The following ADAM12 variants were observed in gnomAD, a reference collection of about 807,000 sequenced individuals.
ADAM12 encodes the protein disintegrin and metalloproteinase domain-containing protein 12.
Under a neutral mutation model 106.4 loss-of-function variants are expected in ADAM12, and 70 were observed. The observed-to-expected ratio is 0.66, with a 90% CI of 0.54 to 0.80. The LOEUF (loss-of-function observed/expected upper bound fraction) is 0.80, where lower values mean the gene tolerates loss of function less well. Among genes scored for constraint, ADAM12 ranks in the 30% least tolerant of loss-of-function variants. The pLI, the probability that ADAM12 is intolerant of heterozygous loss-of-function variation, is 0.00. For missense variants in ADAM12, 1,010 were observed against 1,171.9 expected, an observed-to-expected ratio of 0.86 and a Z score of 2.02; for synonymous variants, 420 against 433.5, an observed-to-expected ratio of 0.97 and a Z score of 0.39.
intron 11 of ADAM12, among the ~76,000 whole-genome samples, chr10:126,084,132 C>A (rs1019098239): frequency 2.6e-5 from 4 of 152,208 alleles, no homozygotes; most frequent in African/African-American, 9.7e-5. Flanking sequence ...TCTGCTCCTC[C>A]TCCCTGAAAC....
At chr10:126,249,471 G>A (rs1590680109) in intron 3 of ADAM12, among the ~76,000 whole-genome samples, 2 of 152,190 alleles carry the variant, frequency 1.3e-5, no homozygotes, top group Non-Finnish European at 2.9e-5. Flanking sequence ...AGGCCGAGGC[G>A]GGAGGATCAC....
chr10:126,193,547 A>G (rs1249326123), intron 3 of ADAM12, among the ~76,000 whole-genome samples: 3 of 152,234 alleles, frequency 2.0e-5, no homozygotes, highest in Non-Finnish European at 4.4e-5. Context: ...GAGAAGGGGT[A>G]GATTCTTTCT....
chr10:126,337,103 C>T (rs1281947905), intron 1 of ADAM12, among the ~76,000 whole-genome samples: 1 of 152,200 alleles, frequency 6.6e-6, no homozygotes, highest in East Asian at 1.9e-4. Flanking sequence ...AGAACTGGCT[C>T]ACACAATTAC....
intron 3 of ADAM12, among the ~76,000 whole-genome samples, chr10:126,195,174 G>C (rs1957574378): frequency 6.6e-6 from 1 of 152,194 alleles, no homozygotes; most frequent in Non-Finnish European, 1.5e-5. Flanking sequence ...AAGATCTACT[G>C]TGCAATATGG....
chr10:126,326,557 T>A (rs1854311300), intron 2 of ADAM12, among the ~76,000 whole-genome samples: 1 of 152,172 alleles, frequency 6.6e-6, no homozygotes, highest in Non-Finnish European at 1.5e-5. Context: ...GGTCAGAGTG[T>A]GGACGCCTCC....
At chr10:126,038,428 T>A in intron 19 of ADAM12, 79 bp from the exon 20 acceptor site, 2 of 1,156,120 alleles carry the variant, frequency 1.7e-6, no homozygotes, top group South Asian at 1.7e-5. Flanking sequence ...TTGCTCATAG[T>A]GGCACTCAAA....
rs1954227160 is a variant in ADAM12, at chr10:126,043,279, T to C, written c.1996-131A>G. 2.4e-6 allele frequency: 2 copies of C among 841,028 alleles called. No individual in the cohort carries two copies. The highest frequency in any genetic ancestry group is 3.5e-5 in the South Asian group (2 of 57,282). The allele number at this position is 841,028 out of a possible 1,614,324, so 52.1% of individuals were successfully genotyped here. On this transcript the variant is annotated intron_variant, in intron 17 of 22. Coordinates refer to ENST00000448723, the MANE Select transcript of ADAM12 (RefSeq NM_001288973.2). This position sits in a 1 kb window ranked among gnomAD's most constrained non-coding sequence, Gnocchi z 4.1. ...CAGCCAGACTCAGCACACGCCATGGTGCGAATAAGCCCAAAGCCGGCACTA... is the reference window on the plus strand; with the variant it reads ...CAGCCAGACTCAGCACACGCCATGGCGCGAATAAGCCCAAAGCCGGCACTA...
At chr10:126,101,835 T>C (rs1245156369) in intron 8 of ADAM12, among the ~76,000 whole-genome samples, 2 of 152,196 alleles carry the variant, frequency 1.3e-5, no homozygotes, top group Non-Finnish European at 2.9e-5. Context: ...AGAGCCCTTC[T>C]TCAGGAACAT....
rs183790378 is a variant in ADAM12 at position 126,376,079 on chromosome 10, C to T, written c.88+11979G>A. On this transcript the variant is annotated intron_variant, in intron 1 of 22. Coordinates refer to ENST00000448723, the MANE Select transcript of ADAM12 (RefSeq NM_001288973.2). Reference sequence around the variant, plus strand: ...TTTGTTTATCATTGTAATGGATATGCTACCCAATGAAACAAGAAAAATAAA... The same window carrying T: ...TTTGTTTATCATTGTAATGGATATGTTACCCAATGAAACAAGAAAAATAAA... Among the ~76,000 whole-genome samples, 355 of 150,862 alleles carry T rather than the reference C, an allele frequency of 2.4e-3. 8 individuals are homozygous for T. The South Asian group carries it at 0.024, about 10-fold the overall frequency.
In ADAM12 at chr10:126,051,541, CCATCCATCCAT is replaced by C. The variant is rs1565015266; in HGVS notation, c.1610-1883_1610-1873del. ...TCCATCCAGCCAGCCAGCCACCCAT[CCATCCATCCAT>C]CCATCCATCCATCCATCCATCCATC... On this transcript the variant is annotated intron_variant, in intron 14 of 22. Transcript: ENST00000448723. Among the ~76,000 whole-genome samples the C allele has an allele frequency of 2.2e-3, 172 of 77,544 alleles. 1 individual carries two copies. Among genetic ancestry groups the C allele is most frequent in the East Asian group, 6.3e-3 (13 of 2,072 alleles). 50.9% of individuals were successfully genotyped at this position (77,544 alleles called of 152,430 possible).
intron 3 of ADAM12, among the ~76,000 whole-genome samples, chr10:126,171,715 T>C (rs1247535013): frequency 6.6e-6 from 1 of 152,212 alleles, no homozygotes; most frequent in African/African-American, 2.4e-5. Context: ...GCTTCCAGTA[T>C]TTCTGGCTTC....
chr10:126,091,997 T>G (rs1955473862), intron 11 of ADAM12, among the ~76,000 whole-genome samples: 1 of 152,112 alleles, frequency 6.6e-6, no homozygotes, highest in Non-Finnish European at 1.5e-5. Flanking sequence ...ATCTTATTGA[T>G]GAGGAATGTA....
chr10:126,040,083 T>C (rs1423095641), intron 18 of ADAM12, among the ~76,000 whole-genome samples: 1 of 152,220 alleles, frequency 6.6e-6, no homozygotes, highest in Non-Finnish European at 1.5e-5. Flanking sequence ...TCTTCTTTTC[T>C]ATGACCTGCT....
In ADAM12 at chr10:126,188,036, C is replaced by T. The variant is rs529574804; in HGVS notation, c.261-32731G>A. Among the ~76,000 whole-genome samples the T allele has an allele frequency of 2.6e-5, 4 of 152,260 alleles. No individual in the cohort carries two copies. The East Asian group carries it at 5.8e-4, about 22-fold the overall frequency. ...AGGAAGTGCAGGTTCCCAGGAGAGGCCACTGGAAAGCCAGGCTGTGAAGGG... is the reference window on the plus strand; with the variant it reads ...AGGAAGTGCAGGTTCCCAGGAGAGGTCACTGGAAAGCCAGGCTGTGAAGGG... On this transcript the variant is annotated intron_variant, in intron 3 of 22. Transcript: ENST00000448723.
chr10:126,066,543 T>C lies in ADAM12; in HGVS notation c.1413+174A>G, dbSNP rs1284752325. Among the ~76,000 whole-genome samples the C allele has an allele frequency of 6.6e-6, 1 of 152,100 alleles. No homozygotes were observed. The highest frequency in any genetic ancestry group is 6.5e-5 in the Admixed American group (1 of 15,274). On this transcript the variant is annotated intron_variant, in intron 13 of 22. Coordinates refer to ENST00000448723, the MANE Select transcript of ADAM12 (RefSeq NM_001288973.2). The surrounding 1 kb of genome is among the most constrained non-coding windows in gnomAD (Gnocchi z 5.1). ...CTGAAGCGTGCATTTCACCCCAAGA[T>C]TGGAAGCTAAACAGTAAGAGGTGGG...
chr10:126,115,685 G>A (rs573407954), intron 6 of ADAM12, among the ~76,000 whole-genome samples: 35 of 152,226 alleles, frequency 2.3e-4, no homozygotes, highest in African/African-American at 7.7e-4. Context: ...AGTGGGGGCA[G>A]AAAAATGCAG....
chr10:126,075,528 T>C (rs1420270411), intron 11 of ADAM12, among the ~76,000 whole-genome samples: 1 of 152,054 alleles, frequency 6.6e-6, no homozygotes, highest in African/African-American at 2.4e-5. Context: ...CAGAATGAGT[T>C]AGAAAGAGTA....
intron 4 of ADAM12, among the ~76,000 whole-genome samples, chr10:126,142,420 T>C: frequency 6.6e-6 from 1 of 152,236 alleles, no homozygotes; most frequent in East Asian, 1.9e-4. Context: ...TTGGGCTACT[T>C]ATCTGCAGCA....
chr10:126,272,916 G>A, intron 3 of ADAM12: 1 of 226,836 alleles, frequency 4.4e-6, no homozygotes, highest in Non-Finnish European at 9.7e-6. Flanking sequence ...TCTTGGGTTG[G>A]GACAATGTGG....
Sources: gnomAD v4.1 joint callset for allele counts (sites outside exome capture counted in the v4.1 genomes callset) on GRCh38, gnomAD v4.1.1 for gene constraint, Gnocchi (gnomAD v3.1) non-coding constraint, MANE v1.5 for transcripts, NCBI Gene and HGNC (gene_info 2026-07-23, HGNC 2026-07-21) for gene names.